FYB2: variants seen among roughly 807,000 people sequenced by gnomAD.
FYB2 encodes the protein FYN binding protein 2.
In FYB2, 103 loss-of-function variants were observed where a neutral mutation model predicts 94.1. That is an observed-to-expected ratio of 1.09 (90% confidence interval 0.93 to 1.29). FYB2 has a LOEUF of 1.29. Ranked by LOEUF, FYB2 falls within the 50% of genes most tolerant of loss-of-function variation. The pLI is 0.00. For missense variants in FYB2, 896 were observed against 841.5 expected (o/e 1.06, Z -0.80); for synonymous variants, 293 against 287.9 (o/e 1.02, Z -0.18).
chr1:56,742,205 C>A lies in FYB2; in HGVS notation c.1560G>T (p.Leu520=). 1 of 1,600,560 alleles carries A rather than the reference C, an allele frequency of 6.2e-7. No homozygotes were observed. The highest frequency in any genetic ancestry group is 8.6e-7 in the Non-Finnish European group (1 of 1,169,562). The change falls in exon 12 of 20, where the codon CTG becomes CTT. Residue 520 remains leucine, a synonymous_variant. Transcript: ENST00000343433. ...LASSSEENRE[L]YEDVYKTKNN... Reference sequence around the variant, plus strand: ...TCTTTGTTTTGTAGACATCTTCATACAGTTCTCTATTTTCTTCTGAAATTA... The same window carrying A: ...TCTTTGTTTTGTAGACATCTTCATAAAGTTCTCTATTTTCTTCTGAAATTA...
intron 9 of FYB2, among the ~76,000 whole-genome samples, chr1:56,745,015 G>C (rs1645037048): frequency 6.6e-6 from 1 of 152,002 alleles, no homozygotes; most frequent in Non-Finnish European, 1.5e-5. Flanking sequence ...CAAGCAATAA[G>C]ATTTTATCCT....
intron 7 of FYB2, among the ~76,000 whole-genome samples, chr1:56,754,660 T>C (rs1212998112): frequency 6.6e-6 from 1 of 152,102 alleles, no homozygotes; most frequent in African/African-American, 2.4e-5. Context: ...TAAACTTCCA[T>C]AGCAGTGATA....
chr1:56,739,090 G>C (rs543585345), intron 13 of FYB2, among the ~76,000 whole-genome samples: 2 of 152,190 alleles, frequency 1.3e-5, no homozygotes, highest in South Asian at 2.1e-4. Context: ...ATTTTAGTGA[G>C]AGACAGAACT....
intron 1 of FYB2, among the ~76,000 whole-genome samples, chr1:56,797,915 T>A (rs1469914640): frequency 6.6e-6 from 1 of 152,018 alleles, no homozygotes; most frequent in Admixed American, 6.6e-5. Flanking sequence ...TCTTTGAAGG[T>A]GGGTACTTTG....
In FYB2 at chr1:56,726,956, T is replaced by G. The variant is rs1015718844; in HGVS notation, c.1794-373A>C. 1.1e-4 allele frequency among the ~76,000 whole-genome samples: 17 copies of G among 152,110 alleles called. No homozygotes were observed. In the East Asian group the frequency reaches 2.7e-3, roughly 24 times the overall value. On this transcript the variant is annotated intron_variant, in intron 15 of 19. Transcript: ENST00000343433. Reference sequence around the variant, plus strand: ...TGAGCCTCAGTTTTGTTTTGTTTTTTTTTTTGCCTCTAAAATATGAACAAT... The same window carrying G: ...TGAGCCTCAGTTTTGTTTTGTTTTTGTTTTTGCCTCTAAAATATGAACAAT...
chr1:56,721,986 A>G (rs1644493578), intron 17 of FYB2, among the ~76,000 whole-genome samples: 2 of 152,082 alleles, frequency 1.3e-5, no homozygotes, highest in South Asian at 4.1e-4. Context: ...CTATCAAGGA[A>G]ACCCACTACA....
intron 2 of FYB2, 100 bp downstream of exon 2, chr1:56,791,956 C>A: frequency 2.1e-6 from 3 of 1,439,924 alleles, no homozygotes; most frequent in Non-Finnish European, 2.8e-6. Flanking sequence ...GCCACATTTC[C>A]CAGGTCATAT....
chr1:56,800,958 C>A (rs770694680), intron 1 of FYB2, among the ~76,000 whole-genome samples: 3 of 152,148 alleles, frequency 2.0e-5, no homozygotes, highest in Non-Finnish European at 4.4e-5. Flanking sequence ...AAACATCAGG[C>A]CAGTGAGACT....
chr1:56,721,334 C>G (rs10489617), intron 17 of FYB2, among the ~76,000 whole-genome samples: 22,448 of 151,882 alleles, frequency 0.15, 2,721 homozygotes, highest in African/African-American at 0.32. Flanking sequence ...ACTAATGTAT[C>G]TATCTATAAC....
At chr1:56,748,475 T>G (rs1231606843) in intron 9 of FYB2, among the ~76,000 whole-genome samples, 1 of 152,050 alleles carries the variant, frequency 6.6e-6, no homozygotes, top group Non-Finnish European at 1.5e-5. Context: ...GGCTAGCCAG[T>G]TTTCCCAGCA....
At chr1:56,735,635 C>T (rs1644814096) in intron 15 of FYB2, among the ~76,000 whole-genome samples, 1 of 151,958 alleles carries the variant, frequency 6.6e-6, no homozygotes, top group Non-Finnish European at 1.5e-5. Flanking sequence ...AGGCAGTTTC[C>T]TACATAGTGT....
At chr1:56,767,796 G>A (rs533834660) in intron 5 of FYB2, 33 bp downstream of exon 5, 5 of 1,463,726 alleles carry the variant, frequency 3.4e-6, no homozygotes, top group South Asian at 2.4e-5. Context: ...ATTCCACACA[G>A]GGTTACACTA....
intron 15 of FYB2, among the ~76,000 whole-genome samples, chr1:56,736,733 A>G (rs1413390010): frequency 6.6e-6 from 1 of 152,084 alleles, no homozygotes; most frequent in Non-Finnish European, 1.5e-5. Context: ...TTGATAAATT[A>G]TAGTTATTTA....
At position 56,744,329 on chromosome 1, in the gene FYB2, C is replaced by T. The variant is rs569590744; in HGVS notation, c.1388-63G>A. 22 of 1,219,438 alleles carry T rather than the reference C, an allele frequency of 1.8e-5. No homozygotes were observed. In the African/African-American group the frequency reaches 3.1e-4, roughly 17 times the overall value. The allele number at this position is 1,219,438 out of a possible 1,614,324, so 75.5% of individuals were successfully genotyped here. A position where few individuals can be genotyped will look rare whatever the true frequency, so the allele number is the denominator to read the frequency against. ...AGCTGCCATCATAAAGTCATTCACA[C>T]ACATCACTGGCAGTGGAGGCAAGCA... On this transcript the variant is annotated intron_variant, in intron 9 of 19. Transcript: ENST00000343433.
At chr1:56,812,988 G>A (rs555743468) in intron 1 of FYB2, among the ~76,000 whole-genome samples, 1 of 152,312 alleles carries the variant, frequency 6.6e-6, no homozygotes, top group African/African-American at 2.4e-5. Flanking sequence ...CAAGATGCTA[G>A]CAGGGTTGGT....
chr1:56,797,548 A>C (rs1010872212), intron 1 of FYB2, among the ~76,000 whole-genome samples: 1 of 152,002 alleles, frequency 6.6e-6, no homozygotes, highest in Admixed American at 6.6e-5. Context: ...TGCCCAACAG[A>C]GGTGTCCATA....
At chr1:56,733,007 CT>C (rs1457982661) in intron 15 of FYB2, among the ~76,000 whole-genome samples, 2 of 152,036 alleles carry the variant, frequency 1.3e-5, no homozygotes, top group Non-Finnish European at 2.9e-5. Context: ...TAAAAAGCTT[CT>C]GCACAGTAAA....
At chr1:56,767,724 T>C (rs1408198223) in intron 5 of FYB2, 105 bp downstream of exon 5, 3 of 812,592 alleles carry the variant, frequency 3.7e-6, no homozygotes, top group Non-Finnish European at 6.1e-6. Flanking sequence ...TTGTGCAGGA[T>C]GGCTGTGCAT....
At chr1:56,770,610 G>GA (rs1242932032) in intron 4 of FYB2, among the ~76,000 whole-genome samples, 1 of 152,024 alleles carries the variant, frequency 6.6e-6, no homozygotes, top group Admixed American at 6.5e-5. Flanking sequence ...CTTAACATCA[G>GA]AAAATCTATT....
Sources: allele counts gnomAD v4.1 joint callset (sites outside exome capture counted in the v4.1 genomes callset), GRCh38; gene constraint gnomAD v4.1.1; transcripts MANE v1.5; gene names NCBI Gene and HGNC (gene_info 2026-07-23, HGNC 2026-07-21).